PRKAR1A: variants seen among roughly 807,000 people sequenced by gnomAD.
PRKAR1A encodes the protein protein kinase cAMP-dependent type I regulatory subunit alpha, also known as cAMP-dependent protein kinase type I-alpha regulatory subunit.
Under a neutral mutation model 52.0 loss-of-function variants are expected in PRKAR1A, and 3 were observed. The observed-to-expected ratio is 0.06, with a 90% CI of 0.03 to 0.15. PRKAR1A has a LOEUF of 0.15. PRKAR1A is among the 10% of genes least tolerant of loss of function. The pLI, the probability that PRKAR1A is intolerant of heterozygous loss-of-function variation, is 1.00. For missense variants in PRKAR1A, 240 were observed against 477.4 expected (o/e 0.50, Z 4.63); for synonymous variants, 188 against 168.4 (o/e 1.12, Z -0.90).
At chr17:68,476,175 G>T in the PRKAR1A span, among the ~76,000 whole-genome samples, 2 of 151,904 alleles carry the variant, frequency 1.3e-5, no homozygotes. Context: ...TAATCTACTA[G>T]GTCAAGCTTT....
chr17:68,460,941 A>G, the PRKAR1A span, among the ~76,000 whole-genome samples: 4 of 152,194 alleles, frequency 2.6e-5, no homozygotes, highest in Admixed American at 6.5e-5. Context: ...ATTTAATGTC[A>G]GGCTGGTTTT....
the PRKAR1A span, among the ~76,000 whole-genome samples, chr17:68,487,966 C>T: frequency 6.6e-6 from 1 of 151,700 alleles, no homozygotes; most frequent in South Asian, 2.1e-4. Context: ...ACTCATGAAG[C>T]TTACGTTTGT....
In PRKAR1A at chr17:68,530,453, C is replaced by T. The variant is rs2085942951; in HGVS notation, c.*4C>T. 1 of 1,614,068 alleles carries T rather than the reference C, an allele frequency of 6.2e-7. No homozygotes were observed. The highest frequency in any genetic ancestry group is 8.5e-7 in the Non-Finnish European group (1 of 1,179,942). Reference sequence around the variant, plus strand: ...TTTTGTGTCACTGTCTGTCTGAAATCTGCCTCCTGTGCCTCCCTTTTCTCC... The same window carrying T: ...TTTTGTGTCACTGTCTGTCTGAAATTTGCCTCCTGTGCCTCCCTTTTCTCC... On this transcript the variant is annotated 3_prime_UTR_variant, in exon 11 of 11. Coordinates refer to ENST00000589228, the MANE Select transcript of PRKAR1A (RefSeq NM_002734.5).
chr17:68,430,158 C>A, the PRKAR1A span: 1 of 1,611,838 alleles, frequency 6.2e-7, no homozygotes, highest in Non-Finnish European at 8.5e-7. Context: ...CTCTTCTGGT[C>A]GACTAGGGAG....
At chr17:68,497,098 A>G in the PRKAR1A span, among the ~76,000 whole-genome samples, 2 of 152,162 alleles carry the variant, frequency 1.3e-5, no homozygotes, top group Non-Finnish European at 2.9e-5. Flanking sequence ...TTCTGGGATT[A>G]CAGGCGTGAG....
chr17:68,541,040 C>G, intron 11 of PRKAR1A: 5 of 1,543,466 alleles, frequency 3.2e-6, no homozygotes, highest in African/African-American at 1.4e-5. Context: ...CCCCTGCCCC[C>G]CCAATCCCTG....
intron 7 of PRKAR1A, chr17:68,527,538 C>T (rs1055439584): frequency 1.6e-5 from 6 of 364,044 alleles, no homozygotes; most frequent in Middle Eastern, 8.9e-4. Context: ...AGGTATAAAC[C>T]GGTATTTCGA....
At chr17:68,496,460 A>C in the PRKAR1A span, among the ~76,000 whole-genome samples, 1 of 152,224 alleles carries the variant, frequency 6.6e-6, no homozygotes, top group Non-Finnish European at 1.5e-5. Flanking sequence ...TACACCGGCC[A>C]CGTCCAGATA....
the PRKAR1A span, among the ~76,000 whole-genome samples, chr17:68,466,329 T>C: frequency 6.6e-6 from 1 of 152,066 alleles, no homozygotes; most frequent in South Asian, 2.1e-4. Context: ...TGGAGTCCAC[T>C]GTAACAACAC....
chr17:68,542,017 C>T, intron 11 of PRKAR1A: 1 of 1,613,920 alleles, frequency 6.2e-7, no homozygotes, highest in African/African-American at 1.3e-5. Flanking sequence ...AGGAGCGGAT[C>T]CAGGGGTTGG....
the PRKAR1A span, among the ~76,000 whole-genome samples, chr17:68,463,255 C>T: frequency 1.3e-5 from 2 of 152,146 alleles, no homozygotes; most frequent in Non-Finnish European, 2.9e-5. Context: ...GTAGCCAGTC[C>T]TAAAGCCCCA....
At chr17:68,537,451 T>A, downstream of PRKAR1A, 1 of 1,613,946 alleles carries the variant, frequency 6.2e-7, no homozygotes, top group Non-Finnish European at 8.5e-7. The surrounding 1 kb of genome is among the most constrained non-coding windows in gnomAD (Gnocchi z 4.2). Flanking sequence ...CCAGGCGTAT[T>A]TTCTGAAACT....
At chr17:68,447,382 A>G in the PRKAR1A span, among the ~76,000 whole-genome samples, 4 of 152,156 alleles carry the variant, frequency 2.6e-5, no homozygotes, top group African/African-American at 7.2e-5. Context: ...TTAAATTTTT[A>G]AATTTTTATT....
the PRKAR1A span, chr17:68,440,608 G>A: frequency 1.3e-5 from 2 of 152,116 alleles, no homozygotes; most frequent in Non-Finnish European, 2.9e-5. Flanking sequence ...GTTCTGATGG[G>A]GCTTTTGGAT....
chr17:68,435,571 G>A, the PRKAR1A span: 2 of 1,576,404 alleles, frequency 1.3e-6, no homozygotes, highest in Non-Finnish European at 1.7e-6. Context: ...CGCACGGCAG[G>A]AGCCATCCAG....
the PRKAR1A span, chr17:68,425,948 A>T: frequency 5.5e-6 from 4 of 723,588 alleles, no homozygotes; most frequent in East Asian, 7.9e-5. Context: ...CTTTCCAAAT[A>T]CTAGAGCAGA....
the PRKAR1A span, among the ~76,000 whole-genome samples, chr17:68,494,460 T>G: frequency 6.6e-6 from 1 of 152,086 alleles, no homozygotes; most frequent in East Asian, 1.9e-4. Flanking sequence ...GAGAATCGCT[T>G]GAACCCAGGA....
intron 11 of PRKAR1A, among the ~76,000 whole-genome samples, chr17:68,548,457 G>C (rs1368665160): frequency 6.6e-6 from 1 of 152,030 alleles, no homozygotes. Flanking sequence ...TTGAACCCAG[G>C]AGGCAGAGGT....
the PRKAR1A span, among the ~76,000 whole-genome samples, chr17:68,439,645 A>G: frequency 2.0e-5 from 3 of 152,180 alleles, no homozygotes; most frequent in East Asian, 3.8e-4. Flanking sequence ...CTCAAAAAAG[A>G]TTTTCAAATT....
Sources: allele counts gnomAD v4.1 joint callset (sites outside exome capture counted in the v4.1 genomes callset), GRCh38; gene constraint gnomAD v4.1.1; non-coding constraint Gnocchi (gnomAD v3.1); transcripts MANE v1.5; gene names NCBI Gene and HGNC (gene_info 2026-07-23, HGNC 2026-07-21).